The following WIPF1 variants were observed in gnomAD, a reference collection of about 807,000 sequenced individuals.
The protein encoded by WIPF1 is WAS/WASL-interacting protein family member 1.
In WIPF1, 13 loss-of-function variants were observed where a neutral mutation model predicts 35.4. The observed-to-expected ratio is 0.37, with a 90% CI of 0.24 to 0.58. WIPF1 has a LOEUF of 0.58. Ranked by LOEUF, WIPF1 falls within the 20% of genes least tolerant of loss-of-function variation. WIPF1 has a pLI of 0.74. For missense variants in WIPF1, 591 were observed against 667.0 expected (o/e 0.89, Z 1.25); for synonymous variants, 267 against 266.3 (o/e 1.00, Z -0.02).
rs780884199 is a variant in WIPF1 at position 174,642,343 on chromosome 2, CTT to C, written c.-39+40429_-39+40430del. Among the ~76,000 whole-genome samples the C allele has an allele frequency of 2.9e-5, 3 of 102,800 alleles. No homozygotes were observed. The East Asian group carries it at 1.1e-3, about 37-fold the overall frequency. The allele number at this position is 102,800 out of a possible 152,430, so 67.4% of individuals were successfully genotyped here. ...TATCTTCATTACTTCCTTCCTCCACCTTTTTTTTTTTTTTTTTTTTTGAGACA... is the reference window on the plus strand; with the variant it reads ...TATCTTCATTACTTCCTTCCTCCACCTTTTTTTTTTTTTTTTTTTGAGACA... On this transcript the variant is annotated intron_variant, in intron 1 of 8. Transcript: ENST00000272746.
chr2:174,660,314 C>G (rs1687731129), intron 1 of WIPF1, among the ~76,000 whole-genome samples: 1 of 152,170 alleles, frequency 6.6e-6, no homozygotes, highest in Non-Finnish European at 1.5e-5. Flanking sequence ...GCTCCGTGAC[C>G]CTAAGCAGGT....
chr2:174,575,572 C>T (rs1292489880), intron 3 of WIPF1, 192 bp from the exon 4 acceptor site: 3 of 991,430 alleles, frequency 3.0e-6, no homozygotes, highest in African/African-American at 1.6e-5. Flanking sequence ...GTCCCAAGCC[C>T]AGTGGTGGAA....
At chr2:174,601,606 G>A (rs1686010558), upstream of WIPF1, among the ~76,000 whole-genome samples, 1 of 152,262 alleles carries the variant, frequency 6.6e-6, no homozygotes, top group South Asian at 2.1e-4. Flanking sequence ...GGCTTTGGAA[G>A]CCACCTCTGC....
chr2:174,668,485 G>A (rs749597653), intron 1 of WIPF1, among the ~76,000 whole-genome samples: 17 of 152,084 alleles, frequency 1.1e-4, no homozygotes, highest in Admixed American at 6.5e-4. Flanking sequence ...TATTATTCTT[G>A]ATAATGTGAC....
chr2:174,567,730 G>A, intron 6 of WIPF1, 131 bp downstream of exon 6: 1 of 987,986 alleles, frequency 1.0e-6, no homozygotes. Flanking sequence ...TGGTTAGATA[G>A]TTAGATCAGT....
intron 1 of WIPF1, among the ~76,000 whole-genome samples, chr2:174,633,219 A>G (rs1324750680): frequency 2.6e-5 from 4 of 152,202 alleles, no homozygotes; most frequent in Non-Finnish European, 4.4e-5. Flanking sequence ...AAATGTGGCA[A>G]TTGGAGGACA....
Position 174,572,779 on chromosome 2 carries a change from G to A in WIPF1, c.359-333C>T, listed in dbSNP as rs536883933. On this transcript the variant is annotated intron_variant, in intron 4 of 7. Coordinates refer to ENST00000679041, the MANE Select transcript of WIPF1 (RefSeq NM_001375834.1). ...ATTCATTATGAGAGGACAAGAACAA[G>A]ATGGCATTGGTAGAATCATGATTTT... Among the ~76,000 whole-genome samples, 3 of 152,332 alleles carry A rather than the reference G, an allele frequency of 2.0e-5. No individual in the cohort carries two copies. The South Asian group carries it at 6.2e-4, about 32-fold the overall frequency.
Position 174,614,794 on chromosome 2 carries a change from T to C in WIPF1, c.-38-29183A>G, listed in dbSNP as rs183037924. Among the ~76,000 whole-genome samples the C allele has an allele frequency of 5.3e-5, 8 of 152,336 alleles. No homozygotes were observed. The East Asian group carries it at 1.5e-3, about 29-fold the overall frequency. ...TCTTAACCTGCTGCAAAACACCTTG[T>C]GGAGGTACATCTTACTCTTCACTAG... On this transcript the variant is annotated intron_variant, in intron 1 of 8. Transcript: ENST00000272746.
intron 1 of WIPF1, among the ~76,000 whole-genome samples, chr2:174,639,938 A>T (rs1437827196): frequency 6.6e-6 from 1 of 152,192 alleles, no homozygotes; most frequent in East Asian, 1.9e-4. Context: ...TATCTAAAGC[A>T]ATTAGGCAAG....
At position 174,628,507 on chromosome 2, in the gene WIPF1, A is replaced by G. The variant is rs115089802; in HGVS notation, c.-38-42896T>C. On this transcript the variant is annotated intron_variant, in intron 1 of 8. Transcript: ENST00000272746. ...CACAACCTTTCTCCAGGTAGGATGG[A>G]TTAGCTTTCTACCCACAAAATTCCA... Among the ~76,000 whole-genome samples, 1,503 of 152,342 alleles carry G rather than the reference A, an allele frequency of 9.9e-3. 27 individuals are homozygous for G. Among genetic ancestry groups the G allele is most frequent in the African/African-American group, 0.035 (1,443 of 41,590 alleles).
chr2:174,609,801 G>A (rs1472919112), intron 1 of WIPF1, among the ~76,000 whole-genome samples: 2 of 152,176 alleles, frequency 1.3e-5, no homozygotes, highest in African/African-American at 2.4e-5. Context: ...CCTGAGCTCC[G>A]TTTAAAGTCA....
chr2:174,573,294 C>A (rs1040305332), intron 4 of WIPF1, among the ~76,000 whole-genome samples: 1 of 148,874 alleles, frequency 6.7e-6, no homozygotes, highest in Non-Finnish European at 1.5e-5. Context: ...AAAATCTACC[C>A]ATTTATGAGT....
chr2:174,580,045 G>A (rs1347768722), intron 3 of WIPF1, among the ~76,000 whole-genome samples: 5 of 151,876 alleles, frequency 3.3e-5, no homozygotes, highest in African/African-American at 7.3e-5. Context: ...CCACCTCCTT[G>A]GTTCAAGTGA....
chr2:174,562,629 ATT>A, intron 7 of WIPF1, 27 bp from the exon 8 acceptor site: 1 of 1,613,240 alleles, frequency 6.2e-7, no homozygotes, highest in Non-Finnish European at 8.5e-7. Flanking sequence ...ACAAAATATA[ATT>A]TTGGTTAGAA....
intron 1 of WIPF1, among the ~76,000 whole-genome samples, chr2:174,649,650 T>G (rs905428808): frequency 6.6e-6 from 1 of 152,176 alleles, no homozygotes; most frequent in African/African-American, 2.4e-5. Context: ...CCTGGTGTCT[T>G]TCCCATGTGG....
chr2:174,610,094 G>A lies in WIPF1; in HGVS notation c.-38-24483C>T, dbSNP rs191612955. Reference sequence around the variant, plus strand: ...AAATGACTGACTGGGGAAACAGATTGTTGGAAAAACACTTTCGGGTTGCCT... The same window carrying A: ...AAATGACTGACTGGGGAAACAGATTATTGGAAAAACACTTTCGGGTTGCCT... On this transcript the variant is annotated intron_variant, in intron 1 of 8. Transcript: ENST00000272746. Among the ~76,000 whole-genome samples the A allele has an allele frequency of 2.6e-4, 39 of 152,294 alleles. No individual in the cohort carries two copies. The East Asian group carries it at 7.1e-3, about 28-fold the overall frequency.
At chr2:174,614,078 T>C (rs749750356) in intron 1 of WIPF1, among the ~76,000 whole-genome samples, 9 of 152,190 alleles carry the variant, frequency 5.9e-5, no homozygotes, top group Non-Finnish European at 1.2e-4. Flanking sequence ...CTAGACTCAA[T>C]GAACACAAAT....
rs200009800 is a variant in WIPF1 at position 174,607,264 on chromosome 2, G to A, written c.-38-21653C>T. ...TAAAAATACAAAAAATTAGCTGGGC[G>A]TGGTGGCGGGCGCCTGTAATCCCAG... On this transcript the variant is annotated intron_variant, in intron 1 of 8. Coordinates refer to the WIPF1 transcript ENST00000272746. Among the ~76,000 whole-genome samples, 6 of 152,102 alleles carry A rather than the reference G, an allele frequency of 3.9e-5. No individual in the cohort carries two copies. In the East Asian group the frequency reaches 5.8e-4, roughly 15 times the overall value.
rs756471924 is a variant in WIPF1 at position 174,585,564 on chromosome 2, G to C, written c.10C>G (p.Pro4Ala). The change falls in exon 2 of 8, where the codon CCT (proline) becomes GCT (alanine). Residue 4 changes from proline (P) to alanine (A), a missense_variant. By Grantham distance (27) the Pro-to-Ala change is conservative (BLOSUM62 -1). Coordinates refer to ENST00000679041, the MANE Select transcript of WIPF1 (RefSeq NM_001375834.1). ...GGCGGCGGGGGTGCTGGAGGGGGAG[G>C]GACAGGCATCTTGGGCAGTTATGCG... MPV[P>A]PPPAPPPPPT... 4 of 1,611,706 alleles carry C rather than the reference G, an allele frequency of 2.5e-6. No individual in the cohort carries two copies. Among genetic ancestry groups the C allele is most frequent in the Non-Finnish European group, 3.4e-6 (4 of 1,179,128 alleles).
Sources: gnomAD v4.1 joint callset for allele counts (sites outside exome capture counted in the v4.1 genomes callset) on GRCh38, gnomAD v4.1.1 for gene constraint, MANE v1.5 for transcripts, NCBI Gene and HGNC (gene_info 2026-07-23, HGNC 2026-07-21) for gene names.